EML4: variants seen among roughly 807,000 people sequenced by gnomAD.
EML4 encodes EMAP like 4.
A neutral mutation model predicts 129.0 loss-of-function variants in EML4; 72 were observed. The ratio of observed to expected loss-of-function variants is 0.56; its 90% CI spans 0.46 to 0.68. EML4 has a LOEUF of 0.68. Among genes scored for constraint, EML4 ranks in the 30% least tolerant of loss-of-function variants. The pLI, the probability that EML4 is intolerant of heterozygous loss-of-function variation, is 0.00. For missense variants in EML4, 1,363 were observed against 1,190.6 expected (o/e 1.14, Z -2.13); for synonymous variants, 532 against 405.0 (o/e 1.31, Z -3.77).
At chr2:42,267,590 A>AG (rs1306659266) in intron 6 of EML4, among the ~76,000 whole-genome samples, 2 of 152,224 alleles carry the variant, frequency 1.3e-5, no homozygotes, top group Admixed American at 1.3e-4. Context: ...TGTCCTTCAG[A>AG]CAGAGCAGAG....
intron 1 of EML4, among the ~76,000 whole-genome samples, chr2:42,196,775 C>T (rs369861915): frequency 1.1e-4 from 17 of 152,156 alleles, no homozygotes; most frequent in African/African-American, 3.9e-4. Flanking sequence ...CCCCCTCTGC[C>T]CATGCAGGAG....
rs146190786 is a variant in EML4 at position 42,183,059 on chromosome 2, G to T, written c.25+13423G>T. ...TGATACCAGGTATCAGGAGGCTGAG[G>T]TGGGGAGATTGCTTGAGCCTGGGAG... On this transcript the variant is annotated intron_variant, in intron 1 of 22. Transcript: ENST00000318522. Among the ~76,000 whole-genome samples the T allele has an allele frequency of 4.2e-4, 64 of 152,298 alleles. 1 individual carries two copies. The highest frequency in any genetic ancestry group is 3.4e-3 in the Middle Eastern group (1 of 294).
At chr2:42,239,030 A>G (rs945484796) in intron 1 of EML4, among the ~76,000 whole-genome samples, 12 of 152,224 alleles carry the variant, frequency 7.9e-5, no homozygotes, top group Admixed American at 7.9e-4. Context: ...CAACGTCTCA[A>G]AAGTGCTGAA....
At chr2:42,238,407 A>C (rs532179074) in intron 1 of EML4, among the ~76,000 whole-genome samples, 1 of 152,160 alleles carries the variant, frequency 6.6e-6, no homozygotes, top group South Asian at 2.1e-4. Context: ...GCTAATCCCA[A>C]CTGCAAAGAG....
At chr2:42,225,555 A>T (rs1237108363) in intron 1 of EML4, among the ~76,000 whole-genome samples, 1 of 152,166 alleles carries the variant, frequency 6.6e-6, no homozygotes, top group African/African-American at 2.4e-5. Flanking sequence ...GTCAATATAT[A>T]CTTCCCTTCA....
intron 6 of EML4, among the ~76,000 whole-genome samples, chr2:42,275,867 T>G (rs1225346603): frequency 1.3e-5 from 2 of 152,196 alleles, no homozygotes; most frequent in African/African-American, 2.4e-5. Context: ...TTCCTCACTT[T>G]CCTTTTCTGG....
intron 1 of EML4, among the ~76,000 whole-genome samples, chr2:42,188,575 T>C (rs1398121651): frequency 1.3e-5 from 2 of 151,914 alleles, no homozygotes; most frequent in Non-Finnish European, 2.9e-5. Flanking sequence ...AGACAGAGTC[T>C]TGCTTTGTCA....
At chr2:42,216,230 CTTTTTTTT>C (rs61417977) in intron 1 of EML4, among the ~76,000 whole-genome samples, 11 of 43,378 alleles carry the variant, frequency 2.5e-4, no homozygotes, top group South Asian at 2.6e-3. Flanking sequence ...CGGCCCACTT[CTTTTTTTT>C]TTTTTTTTTT....
chr2:42,293,570 T>G (rs950664118), intron 11 of EML4, among the ~76,000 whole-genome samples: 1 of 152,124 alleles, frequency 6.6e-6, no homozygotes, highest in South Asian at 2.1e-4. Flanking sequence ...TAACATAAAA[T>G]TTATTATTTT....
chr2:42,257,794 G>A (rs1665434473), intron 3 of EML4, among the ~76,000 whole-genome samples: 1 of 147,758 alleles, frequency 6.8e-6, no homozygotes, highest in African/African-American at 2.5e-5. Context: ...CCACGATTGC[G>A]CCACTGTATC....
chr2:42,281,401 A>C (rs1667000319), intron 7 of EML4, among the ~76,000 whole-genome samples: 1 of 151,904 alleles, frequency 6.6e-6, no homozygotes, highest in South Asian at 2.1e-4. Flanking sequence ...TCAAAAGAAA[A>C]AAAAAAAAAA....
Position 42,330,411 on chromosome 2 carries a change from C to A in EML4, c.*204C>A. ...AGTTTGGTGTTTATTGAAAATTAAC[C>A]AAACTTAATACTAGGAGAAGACTGA... On this transcript the variant is annotated 3_prime_UTR_variant, in exon 23 of 23. Transcript: ENST00000318522. 1 of 649,736 alleles carries A rather than the reference C, an allele frequency of 1.5e-6. No individual in the cohort carries two copies. The highest frequency in any genetic ancestry group is 2.8e-6 in the Non-Finnish European group (1 of 359,470). 40.2% of individuals were successfully genotyped at this position (649,736 alleles called of 1,614,324 possible).
At position 42,256,486 on chromosome 2, in the gene EML4, C is replaced by A. The variant is rs1350231733; in HGVS notation, c.209-15C>A. On this transcript the variant is annotated splice_polypyrimidine_tract_variant and intron_variant, in intron 2 of 22. Coordinates refer to ENST00000318522, the MANE Select transcript of EML4 (RefSeq NM_019063.5). ...ATTCAAATTTGATATAATTTTTTTC[C>A]TTAATTATCTTTAGGCCAACCAAGC... is the stretch of plus-strand genomic sequence containing the variant. 1.3e-6 allele frequency: 2 copies of A among 1,559,978 alleles called. No individual in the cohort carries two copies. The highest frequency in any genetic ancestry group is 4.0e-5 in the Admixed American group (2 of 49,700).
At chr2:42,327,702 G>C (rs1669885844) in intron 21 of EML4, among the ~76,000 whole-genome samples, 1 of 152,240 alleles carries the variant, frequency 6.6e-6, no homozygotes, top group African/African-American at 2.4e-5. Flanking sequence ...GAAAGGGTTA[G>C]AAGATAGATG....
At chr2:42,307,136 T>G (rs967088016) in intron 17 of EML4, among the ~76,000 whole-genome samples, 11 of 152,206 alleles carry the variant, frequency 7.2e-5, no homozygotes, top group African/African-American at 2.7e-4. Context: ...ACTGCTTTGG[T>G]TGAAGAAAAC....
At chr2:42,285,303 C>T (rs1667230311) in intron 9 of EML4, among the ~76,000 whole-genome samples, 1 of 152,028 alleles carries the variant, frequency 6.6e-6, no homozygotes. Context: ...ATAACAAATA[C>T]CTTATTTCTA....
intron 17 of EML4, among the ~76,000 whole-genome samples, chr2:42,314,766 T>G (rs1572745119): frequency 6.6e-6 from 1 of 152,254 alleles, no homozygotes; most frequent in Non-Finnish European, 1.5e-5. Context: ...CTCTCTCTTA[T>G]GCAGCCTTAA....
At chr2:42,260,042 T>C (rs1017064311) in intron 3 of EML4, among the ~76,000 whole-genome samples, 3 of 151,828 alleles carry the variant, frequency 2.0e-5, no homozygotes, top group African/African-American at 7.3e-5. Context: ...TTTTTTTTTT[T>C]TTTAAAGAGA....
intron 3 of EML4, among the ~76,000 whole-genome samples, chr2:42,259,115 CGG>C (rs1665544050): frequency 5.3e-5 from 8 of 151,898 alleles, no homozygotes; most frequent in Non-Finnish European, 1.2e-4. Flanking sequence ...GGTGTGGTGG[CGG>C]GCGCCTGTAA....
Sources: allele counts gnomAD v4.1 joint callset (sites outside exome capture counted in the v4.1 genomes callset), GRCh38; gene constraint gnomAD v4.1.1; transcripts MANE v1.5; gene names NCBI Gene and HGNC (gene_info 2026-07-23, HGNC 2026-07-21).